GPD1L: variants seen among roughly 807,000 people sequenced by gnomAD.
The protein encoded by GPD1L is glycerol-3-phosphate dehydrogenase 1 like.
Under a neutral mutation model 32.9 loss-of-function variants are expected in GPD1L, and 17 were observed. That is an observed-to-expected ratio of 0.52 (90% CI 0.35 to 0.78). The LOEUF (loss-of-function observed/expected upper bound fraction) is 0.78, where lower values mean the gene tolerates loss of function less well. GPD1L is among the 30% of genes least tolerant of loss of function. GPD1L has a pLI of 0.01. For missense variants in GPD1L, 361 were observed against 447.8 expected, an observed-to-expected ratio of 0.81 and a Z score of 1.75; for synonymous variants, 187 against 165.9, an observed-to-expected ratio of 1.13 and a Z score of -0.98.
At chr3:32,140,122 G>GT in intron 3 of GPD1L, 106 bp from the exon 4 acceptor site, 1 of 1,143,830 alleles carries the variant, frequency 8.7e-7, no homozygotes. Context: ...TTTTACTCTT[G>GT]TAAGTAGGAG....
intron 1 of GPD1L, among the ~76,000 whole-genome samples, chr3:32,114,074 C>T (rs1265143507): frequency 3.9e-5 from 6 of 152,180 alleles, no homozygotes; most frequent in Non-Finnish European, 7.3e-5. Flanking sequence ...AAGCTGATTT[C>T]GAACACCTGG....
chr3:32,148,653 C>T (rs1700868254), intron 5 of GPD1L, among the ~76,000 whole-genome samples: 1 of 152,196 alleles, frequency 6.6e-6, no homozygotes, highest in South Asian at 2.1e-4. Context: ...CACTGGCACA[C>T]TCGGAGCGTG....
chr3:32,128,142 C>T lies in GPD1L; in HGVS notation c.114C>T (p.Val38=). 6.2e-7 allele frequency: 1 copy of T among 1,610,010 alleles called. No homozygotes were observed. The highest frequency in any genetic ancestry group is 1.1e-5 in the South Asian group (1 of 90,984). Residue 38 remains valine (V), a synonymous_variant, in exon 2 of 8, where the codon GTC becomes GTT. Transcript: ENST00000282541. ...AACTTCAGAAATTTGCCTCCACAGT[C>T]AAGATGTGGGTCTTTGAAGAAACAG... ...VKKLQKFAST[V]KMWVFEETVN... is the part of the protein sequence containing the mutation.
At chr3:32,155,100 T>A (rs999339363) in intron 5 of GPD1L, among the ~76,000 whole-genome samples, 1 of 152,118 alleles carries the variant, frequency 6.6e-6, no homozygotes, top group Non-Finnish European at 1.5e-5. Context: ...GACAACCAAT[T>A]GCAAAGGGTC....
At chr3:32,107,523 A>T (rs1025463462) in intron 1 of GPD1L, among the ~76,000 whole-genome samples, 1 of 152,016 alleles carries the variant, frequency 6.6e-6, no homozygotes, top group Non-Finnish European at 1.5e-5. Flanking sequence ...GTGAAGGGGG[A>T]AGGAAGCAAA....
At chr3:32,145,984 T>A (rs1352431040) in intron 4 of GPD1L, among the ~76,000 whole-genome samples, 1 of 152,092 alleles carries the variant, frequency 6.6e-6, no homozygotes, top group Non-Finnish European at 1.5e-5. Flanking sequence ...TCTCATTTCA[T>A]CCACTCCCCA....
At chr3:32,113,143 C>G (rs1290052586) in intron 1 of GPD1L, among the ~76,000 whole-genome samples, 1 of 135,952 alleles carries the variant, frequency 7.4e-6, no homozygotes, top group Non-Finnish European at 1.5e-5. Flanking sequence ...CAGTTTCCCA[C>G]CAATGTAGTC....
rs117725368 is a variant in GPD1L at position 32,132,703 on chromosome 3, G to A, written c.225+4450G>A. 1.2e-3 allele frequency among the ~76,000 whole-genome samples: 190 copies of A among 152,254 alleles called. 1 individual carries two copies. In the East Asian group the frequency reaches 0.029, roughly 23 times the overall value. ...TTCTGATTCAGTAGGTTTCAGGTGC[G>A]GTCCCTGAATGTGCATTTCTCACAA... On this transcript the variant is annotated intron_variant, in intron 2 of 7. Coordinates refer to ENST00000282541, the MANE Select transcript of GPD1L (RefSeq NM_015141.4).
intron 1 of GPD1L, among the ~76,000 whole-genome samples, chr3:32,117,049 A>G (rs1700342346): frequency 6.6e-6 from 1 of 152,204 alleles, no homozygotes; most frequent in Non-Finnish European, 1.5e-5. Flanking sequence ...TGTAAATACT[A>G]TGTGTAGCTA....
At chr3:32,158,588 A>G (rs1409443636) in intron 5 of GPD1L, 1 of 571,564 alleles carries the variant, frequency 1.7e-6, no homozygotes, top group Non-Finnish European at 3.1e-6. Context: ...TCCAAACATT[A>G]TTTAACCAAA....
chr3:32,146,545 T>G (rs1700829032), intron 4 of GPD1L, 77 bp from the exon 5 acceptor site: 3 of 832,780 alleles, frequency 3.6e-6, no homozygotes, highest in Non-Finnish European at 6.4e-6. Flanking sequence ...AGTAGAAACT[T>G]ATTTTAAAGT....
chr3:32,142,209 C>T (rs1241068093), intron 4 of GPD1L, among the ~76,000 whole-genome samples: 1 of 151,914 alleles, frequency 6.6e-6, no homozygotes, highest in Admixed American at 6.6e-5. Flanking sequence ...ACCTCCAATT[C>T]CCTGGTTCAA....
intron 1 of GPD1L, among the ~76,000 whole-genome samples, chr3:32,113,688 G>T (rs1700285469): frequency 1.3e-5 from 2 of 152,142 alleles, no homozygotes; most frequent in South Asian, 4.2e-4. Context: ...CTGCCTAACA[G>T]TCTACCCCCA....
intron 2 of GPD1L, among the ~76,000 whole-genome samples, chr3:32,136,759 GT>G: frequency 6.6e-6 from 1 of 151,278 alleles, no homozygotes; most frequent in East Asian, 2.1e-4. Context: ...TTGGTCCCAT[GT>G]TTTTTGTTTT....
rs767550789 is a variant in GPD1L, at chr3:32,166,242, A to C, written c.*332A>C. The stretch of plus-strand genomic sequence containing the variant: ...TATAAGATTGGAACGATCTCAGCCA[A>C]ATATTTTAGGTGTAATTCATATGTA... On this transcript the variant is annotated 3_prime_UTR_variant, in exon 8 of 8. Transcript: ENST00000282541. 2.8e-6 allele frequency: 1 copy of C among 358,172 alleles called. No homozygotes were observed. Among genetic ancestry groups the C allele is most frequent in the Non-Finnish European group, 5.2e-6 (1 of 190,506 alleles). 22.2% of individuals were successfully genotyped at this position (358,172 alleles called of 1,614,324 possible). A position where few individuals can be genotyped will look rare whatever the true frequency, so the allele number is the denominator to read the frequency against.
rs926477058 is a variant in GPD1L at position 32,159,633 on chromosome 3, T to G, written c.918T>G (p.Ala306=). ...GQKLQGPQTS[A]EVYRILKQKG... ...AGCTCCAAGGACCGCAGACTTCTGC[T>G]GAAGTGTACCGCATCCTCAAACAGA... Residue 306 remains alanine (A), a synonymous_variant, in exon 7 of 8, where the codon GCT becomes GCG. Transcript: ENST00000282541. The G allele has an allele frequency of 2.1e-5, 34 of 1,612,872 alleles. No individual in the cohort carries two copies. The highest frequency in any genetic ancestry group is 2.8e-5 in the Non-Finnish European group (33 of 1,179,152).
At chr3:32,150,884 G>A (rs775102347) in intron 5 of GPD1L, among the ~76,000 whole-genome samples, 23 of 152,142 alleles carry the variant, frequency 1.5e-4, no homozygotes, top group Admixed American at 5.9e-4. Flanking sequence ...GAGTCCACGA[G>A]TTCAAGACCA....
chr3:32,122,490 C>T (rs1321166982), intron 1 of GPD1L, among the ~76,000 whole-genome samples: 1 of 152,184 alleles, frequency 6.6e-6, no homozygotes, highest in African/African-American at 2.4e-5. Context: ...ATTTTATTTG[C>T]ATAGCATTAC....
intron 5 of GPD1L, among the ~76,000 whole-genome samples, chr3:32,155,715 G>A (rs145149396): frequency 2.6e-5 from 4 of 152,304 alleles, no homozygotes; most frequent in Non-Finnish European, 4.4e-5. Context: ...TGTTGCCCCA[G>A]TACTGGTTGC....
Sources: allele counts gnomAD v4.1 joint callset (sites outside exome capture counted in the v4.1 genomes callset), GRCh38; gene constraint gnomAD v4.1.1; transcripts MANE v1.5; gene names NCBI Gene and HGNC (gene_info 2026-07-23, HGNC 2026-07-21).